Variants in KIAA2012 observed in about 807,000 individuals in gnomAD.
The protein encoded by KIAA2012 is uncharacterized protein KIAA2012.
KIAA2012 carries 125 observed loss-of-function variants against 150.6 expected under a neutral mutation model. That is an observed-to-expected ratio of 0.83 (90% CI 0.72 to 0.96). The LOEUF is 0.96. Among genes scored for constraint, KIAA2012 ranks in the 40% least tolerant of loss-of-function variants. The probability of loss-of-function intolerance (pLI) is 0.00; values close to 1 mark genes in which losing one functional copy is unlikely to be tolerated. For missense variants in KIAA2012, 1,219 were observed against 1,354.9 expected (o/e 0.90, Z 1.57); for synonymous variants, 462 against 504.7 (o/e 0.92, Z 1.13).
intron 13 of KIAA2012, among the ~76,000 whole-genome samples, chr2:202,153,140 T>C (rs1691459884): frequency 6.6e-6 from 1 of 152,242 alleles, no homozygotes; most frequent in Admixed American, 6.5e-5. Context: ...TGTTAGTTAC[T>C]CTTTTGTTCA....
At chr2:202,105,050 ACATGT>A (rs1360762344) in intron 8 of KIAA2012, among the ~76,000 whole-genome samples, 2 of 152,162 alleles carry the variant, frequency 1.3e-5, no homozygotes, top group African/African-American at 4.8e-5. Context: ...TTCCCCATTT[ACATGT>A]CATAAGGACC....
At chr2:202,195,312 G>A (rs929929399) in intron 21 of KIAA2012, among the ~76,000 whole-genome samples, 24 of 151,786 alleles carry the variant, frequency 1.6e-4, no homozygotes, top group African/African-American at 5.1e-4. Flanking sequence ...GAGGTCAGGA[G>A]TTCAAGACCA....
Position 202,145,010 on chromosome 2 carries a change from C to T in KIAA2012, c.1908+6502C>T, listed in dbSNP as rs1691267824. 2.0e-5 allele frequency among the ~76,000 whole-genome samples: 3 copies of T among 152,302 alleles called. No homozygotes were observed. In the South Asian group the frequency reaches 6.2e-4, roughly 32 times the overall value. ...TCATTATGATTTGGTTTTTCCTTCTCTGGAAAAGCTTTGGGTCATGTGCAG... is the reference window on the plus strand; with the variant it reads ...TCATTATGATTTGGTTTTTCCTTCTTTGGAAAAGCTTTGGGTCATGTGCAG... On this transcript the variant is annotated intron_variant, in intron 13 of 23. Transcript: ENST00000498697.
At chr2:202,202,371 G>A (rs963416285) in intron 22 of KIAA2012, 58 bp from the exon 23 acceptor site, 1 of 401,284 alleles carries the variant, frequency 2.5e-6, no homozygotes, top group African/African-American at 2.1e-5. Context: ...TGGCTTATAA[G>A]GACAATTTCT....
intron 15 of KIAA2012, among the ~76,000 whole-genome samples, chr2:202,170,967 C>G (rs4675271): frequency 0.84 from 128,181 of 152,192 alleles, 54,101 homozygotes; most frequent in African/African-American, 0.89. Context: ...CACATCCTTG[C>G]TCGCAGAGCT....
intron 15 of KIAA2012, chr2:202,179,903 G>A (rs1420763440): frequency 1.4e-6 from 1 of 726,836 alleles, no homozygotes; most frequent in African/African-American, 1.8e-5. Flanking sequence ...GGCCAAATGA[G>A]AGGATAACAT....
intron 3 of KIAA2012, among the ~76,000 whole-genome samples, chr2:202,091,499 C>T (rs1689721301): frequency 6.6e-6 from 1 of 152,124 alleles, no homozygotes; most frequent in East Asian, 1.9e-4. Flanking sequence ...GATGGACACC[C>T]TTCTGATGAA....
chr2:202,131,613 A>G (rs1422640182), intron 12 of KIAA2012, among the ~76,000 whole-genome samples: 4 of 152,244 alleles, frequency 2.6e-5, no homozygotes, highest in Non-Finnish European at 5.9e-5. Context: ...GCTATGAACG[A>G]GTTCAGACTG....
At chr2:202,126,340 C>G (rs1181740278) in intron 12 of KIAA2012, among the ~76,000 whole-genome samples, 1 of 152,118 alleles carries the variant, frequency 6.6e-6, no homozygotes, top group Non-Finnish European at 1.5e-5. Context: ...TGCCACAGAT[C>G]AAGGGCTATA....
chr2:202,202,897 A>C (rs1159484014), intron 23 of KIAA2012, among the ~76,000 whole-genome samples: 1 of 151,814 alleles, frequency 6.6e-6, no homozygotes, highest in Non-Finnish European at 1.5e-5. Flanking sequence ...ACTGTACTGC[A>C]GCCTGGGTGA....
intron 2 of KIAA2012, among the ~76,000 whole-genome samples, chr2:202,085,405 CAGA>C (rs1239762974): frequency 1.3e-5 from 2 of 152,044 alleles, no homozygotes; most frequent in East Asian, 1.9e-4. Context: ...TCCTTAAAAG[CAGA>C]AGAAGGAATC....
intron 22 of KIAA2012, among the ~76,000 whole-genome samples, chr2:202,199,031 G>A (rs551859811): frequency 6.6e-5 from 10 of 152,102 alleles, no homozygotes; most frequent in Non-Finnish European, 1.3e-4. Flanking sequence ...GAGACCACAG[G>A]CAAACTATTG....
intron 4 of KIAA2012, 127 bp downstream of exon 4, chr2:202,093,312 A>T: frequency 1.1e-6 from 1 of 950,530 alleles, no homozygotes; most frequent in Non-Finnish European, 1.6e-6. Flanking sequence ...AATCTGTAAA[A>T]TGAGGGGTTA....
At chr2:202,197,371 C>G (rs1692433713) in intron 22 of KIAA2012, 1 of 300,100 alleles carries the variant, frequency 3.3e-6, no homozygotes, top group African/African-American at 2.1e-5. Context: ...ATTTCGAACC[C>G]ACTGCCTGTC....
At position 202,099,611 on chromosome 2, in the gene KIAA2012, A is replaced by G. The variant is rs1193325409; in HGVS notation, c.829-2A>G. The G allele has an allele frequency of 6.5e-7, 1 of 1,548,038 alleles. No homozygotes were observed. The highest frequency in any genetic ancestry group is 1.2e-5 in the South Asian group (1 of 83,672). ...CAGGAATGTGTATCTGTCGTTCCCT[A>G]GGACACGTCAATAGAGAATCACCTT... On this transcript the variant is annotated splice_acceptor_variant, in intron 5 of 23. Transcript: ENST00000498697. LOFTEE classifies it high-confidence loss of function.
rs1271521169 is a variant in KIAA2012, at chr2:202,105,902, C to T, written c.1466C>T (p.Ser489Leu). 3 of 1,550,840 alleles carry T rather than the reference C, an allele frequency of 1.9e-6. No individual in the cohort carries two copies. Among genetic ancestry groups the T allele is most frequent in the Middle Eastern group, 1.7e-4 (1 of 6,016 alleles). The change falls in exon 9 of 24, where the codon TCA becomes TTA. Residue 489 changes from serine (S) to leucine (L), a missense_variant. Transcript: ENST00000498697. ...LPVDASRDTLSPQDDDAPPHD... is the reference protein window; with the variant it reads ...LPVDASRDTLLPQDDDAPPHD... The stretch of plus-strand genomic sequence containing the variant: ...GTGGACGCGAGCAGGGACACACTCT[C>T]ACCTCAAGGTAGCTCCTCCCTCCCT...
intron 22 of KIAA2012, among the ~76,000 whole-genome samples, chr2:202,199,537 A>C (rs1169444460): frequency 1.3e-5 from 2 of 152,204 alleles, no homozygotes. Flanking sequence ...ACTGCACTAC[A>C]GTGTAGAGAG....
chr2:202,125,345 A>T (rs1690757488), intron 12 of KIAA2012, 63 bp downstream of exon 12: 1 of 1,277,268 alleles, frequency 7.8e-7, no homozygotes, highest in Admixed American at 2.1e-5. Flanking sequence ...TGATCATATT[A>T]TTTCATATAT....
At chr2:202,198,149 G>A (rs895584534) in intron 22 of KIAA2012, among the ~76,000 whole-genome samples, 1 of 148,298 alleles carries the variant, frequency 6.7e-6, no homozygotes, top group African/African-American at 2.5e-5. Flanking sequence ...ATTCCAGCCT[G>A]GGCGACAAGA....
Sources: gnomAD v4.1 joint callset for allele counts (sites outside exome capture counted in the v4.1 genomes callset) on GRCh38, gnomAD v4.1.1 for gene constraint, MANE v1.5 for transcripts, NCBI Gene and HGNC (gene_info 2026-07-23, HGNC 2026-07-21) for gene names.